Variants in BCL3 observed in about 807,000 individuals in gnomAD.
BCL3 encodes BCL3 transcription coactivator.
BCL3 carries 15 observed loss-of-function variants against 35.7 expected under a neutral mutation model. The ratio of observed to expected loss-of-function variants is 0.42; its 90% CI spans 0.28 to 0.65. BCL3 has a LOEUF of 0.65. Among genes scored for constraint, BCL3 ranks in the 30% least tolerant of loss-of-function variants. The pLI is 0.22. For synonymous variants in BCL3, 311 were observed against 284.3 expected (o/e 1.09, Z -0.95); for missense variants, 565 against 641.7 (o/e 0.88, Z 1.29).
At position 44,759,976 on chromosome 19, in the gene BCL3, C is replaced by T. The variant is rs1360238068; in HGVS notation, c.*361C>T. 3 of 285,726 alleles carry T rather than the reference C, an allele frequency of 1.0e-5. No homozygotes were observed. Among genetic ancestry groups the T allele is most frequent in the Admixed American group, 5.3e-5 (1 of 18,874 alleles). 17.7% of individuals were successfully genotyped at this position (285,726 alleles called of 1,614,324 possible). On this transcript the variant is annotated 3_prime_UTR_variant, in exon 9 of 9. Transcript: ENST00000164227. ...GGGGAGAGGTGGGCCGTAACGGGCACGGATCACGATGTAAATTATTAAGCA... is the reference window on the plus strand; with the variant it reads ...GGGGAGAGGTGGGCCGTAACGGGCATGGATCACGATGTAAATTATTAAGCA...
chr19:44,755,000 A>T (rs553083518), intron 2 of BCL3: 1 of 152,408 alleles, frequency 6.6e-6, no homozygotes, highest in East Asian at 1.9e-4. Flanking sequence ...CACATTCCAC[A>T]AGAGAAACGG....
rs1443597203 is a variant in BCL3 at position 44,757,490 on chromosome 19, T to A, written c.813+75T>A. 8.0e-7 allele frequency: 1 copy of A among 1,253,578 alleles called. No individual in the cohort carries two copies. Among genetic ancestry groups the A allele is most frequent in the Non-Finnish European group, 1.1e-6 (1 of 940,246 alleles). 77.7% of individuals were successfully genotyped at this position (1,253,578 alleles called of 1,614,324 possible). On this transcript the variant is annotated intron_variant, in intron 5 of 8. Transcript: ENST00000164227. This position sits in a 1 kb window ranked among gnomAD's most constrained non-coding sequence, Gnocchi z 8.4. ...GGTCTTGGCGGGGGCGGGGCCAGTG[T>A]GGGGCTGGCGTGGGAGAGCACCCGG... is the stretch of plus-strand genomic sequence containing the variant.
Sources: allele counts gnomAD v4.1 joint callset, GRCh38; gene constraint gnomAD v4.1.1; non-coding constraint Gnocchi (gnomAD v3.1); transcripts MANE v1.5; gene names NCBI Gene and HGNC (gene_info 2026-07-23, HGNC 2026-07-21).